KAZN: variants seen among roughly 807,000 people sequenced by gnomAD.
KAZN encodes kazrin, periplakin interacting protein.
KAZN carries 40 observed loss-of-function variants against 87.4 expected under a neutral mutation model. That is an observed-to-expected ratio of 0.46 (90% CI 0.36 to 0.60). The LOEUF is 0.60. KAZN is among the 20% of genes least tolerant of loss of function. The probability of loss-of-function intolerance (pLI) is 0.00; values close to 1 mark genes in which losing one functional copy is unlikely to be tolerated. For synonymous variants in KAZN, 466 were observed against 458.3 expected (o/e 1.02, Z -0.22); for missense variants, 898 against 1,073.9 (o/e 0.84, Z 2.29).
In KAZN at chr1:14,352,678, C is replaced by A. The variant is rs375955434; in HGVS notation, c.249+172086C>A. Among the ~76,000 whole-genome samples the A allele has an allele frequency of 5.9e-5, 9 of 152,152 alleles. No individual in the cohort carries two copies. In the East Asian group the frequency reaches 1.2e-3, roughly 20 times the overall value. On this transcript the variant is annotated intron_variant, in intron 2 of 16. Coordinates refer to the KAZN transcript ENST00000636203. ...CACGTGAGAGAAAAAAAGGCAAGCA[C>A]AAGAGATATAATTGCAGGCCTCATG... is the stretch of plus-strand genomic sequence containing the variant.
intron 1 of KAZN, among the ~76,000 whole-genome samples, chr1:14,736,511 G>A (rs1643913293): frequency 7.3e-6 from 1 of 136,134 alleles, no homozygotes; most frequent in Admixed American, 7.9e-5. Context: ...AGGTTTCATC[G>A]TGTTGGTCAG....
At chr1:13,957,811 C>G (rs1477796805) in intron 1 of KAZN, among the ~76,000 whole-genome samples, 24 of 152,134 alleles carry the variant, frequency 1.6e-4, no homozygotes, top group Admixed American at 1.6e-3. Flanking sequence ...ATGACCCAAA[C>G]ACCTCTCATT....
intron 1 of KAZN, among the ~76,000 whole-genome samples, chr1:14,633,882 C>A (rs61774066): frequency 0.12 from 17,912 of 151,030 alleles, 1,190 homozygotes; most frequent in Middle Eastern, 0.19. Flanking sequence ...CTCTCTCTCT[C>A]TCTATATATA....
In KAZN at chr1:14,440,402, A is replaced by G. The variant is rs139793432; in HGVS notation, c.250-158581A>G. ...AAATTCTTTGCTGTAGACATGAAGG[A>G]TCGGGCGTGTTCTGCTCTCTTCCGG... On this transcript the variant is annotated intron_variant, in intron 2 of 16. Transcript: ENST00000636203. 2.9e-4 allele frequency among the ~76,000 whole-genome samples: 44 copies of G among 152,286 alleles called. No homozygotes were observed. In the East Asian group the frequency reaches 7.9e-3, roughly 27 times the overall value.
At chr1:13,910,207 G>A (rs1181517145) in intron 1 of KAZN, among the ~76,000 whole-genome samples, 5 of 152,166 alleles carry the variant, frequency 3.3e-5, no homozygotes, top group Non-Finnish European at 7.4e-5. Context: ...AGATCTGATT[G>A]TTTAAAAGTA....
intron 1 of KAZN, among the ~76,000 whole-genome samples, chr1:14,841,544 C>G (rs2100933022): frequency 6.6e-6 from 1 of 151,796 alleles, no homozygotes; most frequent in South Asian, 2.1e-4. Flanking sequence ...TTTTAAATCC[C>G]TGGAGCATTA....
chr1:14,026,334 T>C (rs914801626), intron 1 of KAZN, among the ~76,000 whole-genome samples: 7 of 152,134 alleles, frequency 4.6e-5, no homozygotes, highest in Non-Finnish European at 1.0e-4. Flanking sequence ...TTATAGATAA[T>C]AAAGTTGAGG....
intron 1 of KAZN, among the ~76,000 whole-genome samples, chr1:13,983,440 C>A (rs556172195): frequency 6.6e-6 from 1 of 152,384 alleles, no homozygotes; most frequent in South Asian, 2.1e-4. Flanking sequence ...GCCAACAGGG[C>A]CGGCCGGCTG....
intron 1 of KAZN, among the ~76,000 whole-genome samples, chr1:14,004,727 T>C (rs1486255771): frequency 6.8e-6 from 1 of 146,932 alleles, no homozygotes; most frequent in Non-Finnish European, 1.5e-5. Context: ...GGTTTGAATG[T>C]CTCCTCCAAA....
chr1:14,287,045 A>C (rs1653308075), intron 2 of KAZN, among the ~76,000 whole-genome samples: 2 of 152,166 alleles, frequency 1.3e-5, no homozygotes. Flanking sequence ...TAATATTTTT[A>C]TTAGTGCTTG....
intron 2 of KAZN, among the ~76,000 whole-genome samples, chr1:14,359,920 T>C (rs1659362394): frequency 6.6e-6 from 1 of 152,206 alleles, no homozygotes; most frequent in African/African-American, 2.4e-5. Flanking sequence ...TGTCTTGTGG[T>C]TGCTCTTCTC....
chr1:15,073,649 G>A (rs968353716), intron 8 of KAZN, among the ~76,000 whole-genome samples: 1 of 152,200 alleles, frequency 6.6e-6, no homozygotes, highest in Non-Finnish European at 1.5e-5. Context: ...CCACACTGCA[G>A]GCACAGAGAG....
intron 1 of KAZN, among the ~76,000 whole-genome samples, chr1:13,999,975 C>T (rs1444958077): frequency 6.6e-6 from 1 of 152,178 alleles, no homozygotes; most frequent in East Asian, 1.9e-4. Context: ...TGGACACATA[C>T]ACCTTCCCAA....
intron 1 of KAZN, among the ~76,000 whole-genome samples, chr1:14,177,794 G>T (rs1293647870): frequency 1.6e-4 from 22 of 140,080 alleles, no homozygotes; most frequent in Non-Finnish European, 2.5e-4. Flanking sequence ...GTGTGTGTGT[G>T]TTTTTTTTTT....
intron 1 of KAZN, among the ~76,000 whole-genome samples, chr1:14,027,610 A>C (rs752373166): frequency 6.6e-6 from 1 of 152,146 alleles, no homozygotes; most frequent in Non-Finnish European, 1.5e-5. Context: ...GAAAGTAATC[A>C]ATGTCAAAAT....
chr1:15,041,341 T>TCTGTTTTTG (rs1553178781), intron 3 of KAZN, among the ~76,000 whole-genome samples: 1 of 146,586 alleles, frequency 6.8e-6, no homozygotes, highest in Admixed American at 6.8e-5. Flanking sequence ...CTTTTTTTTT[T>TCTGTTTTTG]TTTTTGTTTT....
intron 4 of KAZN, 44 bp downstream of exon 4, chr1:15,044,203 G>C (rs1314829715): frequency 6.5e-7 from 1 of 1,528,782 alleles, no homozygotes; most frequent in Middle Eastern, 2.4e-4. Context: ...TCTGCTAGCA[G>C]TGCCGTGCTG....
chr1:14,415,114 CAAGT>C (rs1215045959), intron 2 of KAZN, among the ~76,000 whole-genome samples: 1 of 152,046 alleles, frequency 6.6e-6, no homozygotes, highest in Non-Finnish European at 1.5e-5. Context: ...TCCTATTAAG[CAAGT>C]AAGTAAAGCA....
chr1:14,740,726 G>C (rs1572368136), intron 1 of KAZN, among the ~76,000 whole-genome samples: 1 of 152,146 alleles, frequency 6.6e-6, no homozygotes, highest in African/African-American at 2.4e-5. Flanking sequence ...GGGATCAAGA[G>C]GGTCTCTTGA....
Sources: gnomAD v4.1 joint callset for allele counts (sites outside exome capture counted in the v4.1 genomes callset) on GRCh38, gnomAD v4.1.1 for gene constraint, MANE v1.5 for transcripts, NCBI Gene and HGNC (gene_info 2026-07-23, HGNC 2026-07-21) for gene names.